ONECUT2: variants seen among roughly 807,000 people sequenced by gnomAD.
ONECUT2 encodes the protein one cut domain family member 2.
Under a neutral mutation model 27.9 loss-of-function variants are expected in ONECUT2, and 10 were observed. That is an observed-to-expected ratio of 0.36 (90% CI 0.22 to 0.61). The LOEUF is 0.61. Ranked by LOEUF, ONECUT2 falls within the 20% of genes least tolerant of loss-of-function variation. ONECUT2 has a pLI of 0.73. For synonymous variants in ONECUT2, 334 were observed against 315.1 expected, an observed-to-expected ratio of 1.06 and a Z score of -0.64; for missense variants, 686 against 721.0, an observed-to-expected ratio of 0.95 and a Z score of 0.56.
intron 1 of ONECUT2, among the ~76,000 whole-genome samples, chr18:57,463,164 A>G (rs2050302538): frequency 1.3e-5 from 2 of 152,220 alleles, no homozygotes; most frequent in South Asian, 4.1e-4. Context: ...ATGCCTATCC[A>G]GTTATTCCAA....
intron 1 of ONECUT2, among the ~76,000 whole-genome samples, chr18:57,440,157 C>T (rs1431183594): frequency 6.6e-6 from 1 of 152,252 alleles, no homozygotes; most frequent in African/African-American, 2.4e-5. Context: ...GTTGCAACCC[C>T]GCCCGGTCGG....
rs1212825376 is a variant in ONECUT2 at position 57,483,637 on chromosome 18, G to C, written c.*6914G>C. The C allele has an allele frequency of 6.6e-6, 1 of 152,602 alleles. No homozygotes were observed. Among genetic ancestry groups the C allele is most frequent in the East Asian group, 1.9e-4 (1 of 5,196 alleles). 9.5% of individuals were successfully genotyped at this position (152,602 alleles called of 1,614,324 possible). ...GCAAAATTCTACTTGGAATACTCTT[G>C]AAGTTTAGTTTGCTTTATAAAGCAG... is the stretch of plus-strand genomic sequence containing the variant. On this transcript the variant is annotated 3_prime_UTR_variant, in exon 2 of 2. Transcript: ENST00000491143.
At position 57,481,812 on chromosome 18, in the gene ONECUT2, T is replaced by C. The variant is rs975029369; in HGVS notation, c.*5089T>C. The C allele has an allele frequency of 6.6e-6, 1 of 152,208 alleles. No individual in the cohort carries two copies. Among genetic ancestry groups the C allele is most frequent in the Non-Finnish European group, 1.5e-5 (1 of 68,050 alleles). 9.4% of individuals were successfully genotyped at this position (152,208 alleles called of 1,614,324 possible). A position where few individuals can be genotyped will look rare whatever the true frequency, so the allele number is the denominator to read the frequency against. On this transcript the variant is annotated 3_prime_UTR_variant, in exon 2 of 2. Coordinates refer to ENST00000491143, the MANE Select transcript of ONECUT2 (RefSeq NM_004852.3). The stretch of plus-strand genomic sequence containing the variant: ...AAAAAGTGGAGAAAAAGATAATACA[T>C]GTGGTCAAGGTTGACCACAAGGCCC...
rs1487795332 is a variant in ONECUT2, at chr18:57,435,946, C to T, written c.230C>T (p.Ser77Leu). The T allele has an allele frequency of 7.3e-6, 9 of 1,227,148 alleles. No homozygotes were observed. Among genetic ancestry groups the T allele is most frequent in the African/African-American group, 1.6e-5 (1 of 63,336 alleles). 76.0% of individuals were successfully genotyped at this position (1,227,148 alleles called of 1,614,324 possible). Residue 77 changes from serine (S) to leucine (L), a missense_variant, in exon 1 of 2, where the codon TCG becomes TTG. This residue lies in a region of ONECUT2 where 511 missense variants were observed against 488.1 expected (regional missense o/e 1.05). Coordinates refer to ENST00000491143, the MANE Select transcript of ONECUT2 (RefSeq NM_004852.3). ...CACGCGGGCCGCGGCGCCGCTGGCT[C>T]GCTGCGGGGCCCTCCGCCGCCTCCA... is the stretch of plus-strand genomic sequence containing the variant. ...PHHAGRGAAG[S>L]LRGPPPPPTA...
intron 1 of ONECUT2, chr18:57,467,202 G>T: frequency 4.4e-6 from 2 of 456,478 alleles, no homozygotes; most frequent in Non-Finnish European, 8.8e-6. Flanking sequence ...GTCGCTGTGC[G>T]GTCTGCCTCC....
intron 1 of ONECUT2, among the ~76,000 whole-genome samples, chr18:57,473,680 A>C (rs12604589): frequency 0.07 from 10,709 of 152,232 alleles, 834 homozygotes; most frequent in East Asian, 0.36. Flanking sequence ...GCAGAATCCC[A>C]GGCCCTGTCC....
At position 57,475,307 on chromosome 18, in the gene ONECUT2, T is replaced by G. The variant is rs141683232; in HGVS notation, c.1229-1130T>G. ...TCCTGACCTCATGATACACCTGCCT[T>G]GGCCTCCCAAAGTGCTGGGATTACA... is the stretch of plus-strand genomic sequence containing the variant. On this transcript the variant is annotated intron_variant, in intron 1 of 1. Transcript: ENST00000491143. Among the ~76,000 whole-genome samples, 376 of 152,182 alleles carry G rather than the reference T, an allele frequency of 2.5e-3. 12 individuals are homozygous for G. In the East Asian group the frequency reaches 0.071, roughly 29 times the overall value.
In ONECUT2 at chr18:57,482,745, C is replaced by T. The variant is rs2050421782; in HGVS notation, c.*6022C>T. 1 of 152,170 alleles carries T rather than the reference C, an allele frequency of 6.6e-6. No individual in the cohort carries two copies. The highest frequency in any genetic ancestry group is 2.1e-4 in the South Asian group (1 of 4,830). The allele number at this position is 152,170 out of a possible 1,614,324, so 9.4% of individuals were successfully genotyped here. Reference sequence around the variant, plus strand: ...AACAACACACATTACCTATAGGTGTCTAGACTGTGTACATACAAGTGTGTA... The same window carrying T: ...AACAACACACATTACCTATAGGTGTTTAGACTGTGTACATACAAGTGTGTA... On this transcript the variant is annotated 3_prime_UTR_variant, in exon 2 of 2. Coordinates refer to ENST00000491143, the MANE Select transcript of ONECUT2 (RefSeq NM_004852.3).
intron 1 of ONECUT2, among the ~76,000 whole-genome samples, chr18:57,473,261 TCTG>T (rs937301374): frequency 6.6e-6 from 1 of 152,214 alleles, no homozygotes; most frequent in African/African-American, 2.4e-5. Flanking sequence ...TTTCCCTGGG[TCTG>T]CAGCAAACCT....
At chr18:57,466,778 A>G (rs1190336493) in intron 1 of ONECUT2, among the ~76,000 whole-genome samples, 1 of 152,258 alleles carries the variant, frequency 6.6e-6, no homozygotes, top group Non-Finnish European at 1.5e-5. Context: ...AGGTTAGACC[A>G]AGTGCTCTCT....
At chr18:57,465,756 T>C (rs2050317878) in intron 1 of ONECUT2, among the ~76,000 whole-genome samples, 2 of 152,238 alleles carry the variant, frequency 1.3e-5, no homozygotes, top group South Asian at 4.1e-4. Flanking sequence ...CCATGGTCAA[T>C]AGAAAGGGTG....
In ONECUT2 at chr18:57,482,383, C is replaced by T. The variant is rs1272947975; in HGVS notation, c.*5660C>T. On this transcript the variant is annotated 3_prime_UTR_variant, in exon 2 of 2. Coordinates refer to ENST00000491143, the MANE Select transcript of ONECUT2 (RefSeq NM_004852.3). ...GAGGCTGATGGGCTGTTGTGTGAAT[C>T]ACACAGGACCTTAAATGAGGCTCAT... 1 of 152,200 alleles carries T rather than the reference C, an allele frequency of 6.6e-6. No individual in the cohort carries two copies. The highest frequency in any genetic ancestry group is 2.4e-5 in the African/African-American group (1 of 41,444). 9.4% of individuals were successfully genotyped at this position (152,200 alleles called of 1,614,324 possible). A position where few individuals can be genotyped will look rare whatever the true frequency, so the allele number is the denominator to read the frequency against.
intron 1 of ONECUT2, chr18:57,467,195 G>A (rs193185145): frequency 2.0e-5 from 9 of 456,582 alleles, no homozygotes; most frequent in African/African-American, 8.0e-5. Flanking sequence ...CAGAATGGTC[G>A]CTGTGCGGTC....
rs371564599 is a variant in ONECUT2, at chr18:57,480,413, C to T, written c.*3690C>T. 7.2e-5 allele frequency: 11 copies of T among 152,208 alleles called. No individual in the cohort carries two copies. In the East Asian group the frequency reaches 1.2e-3, roughly 16 times the overall value. 9.4% of individuals were successfully genotyped at this position (152,208 alleles called of 1,614,324 possible). ...TCCAGACTGGATTGAGGAATGGAGCCTGTTTGATTTGGTTAGTGATTCTTT... is the reference window on the plus strand; with the variant it reads ...TCCAGACTGGATTGAGGAATGGAGCTTGTTTGATTTGGTTAGTGATTCTTT... On this transcript the variant is annotated 3_prime_UTR_variant, in exon 2 of 2. Coordinates refer to ENST00000491143, the MANE Select transcript of ONECUT2 (RefSeq NM_004852.3).
chr18:57,444,217 T>G (rs1437117908), intron 1 of ONECUT2, among the ~76,000 whole-genome samples: 1 of 152,220 alleles, frequency 6.6e-6, no homozygotes, highest in Non-Finnish European at 1.5e-5. Flanking sequence ...CAATTGTAGA[T>G]ATTTCATTTA....
At chr18:57,442,753 C>T (rs1192689223) in intron 1 of ONECUT2, among the ~76,000 whole-genome samples, 2 of 152,164 alleles carry the variant, frequency 1.3e-5, no homozygotes, top group Non-Finnish European at 2.9e-5. Flanking sequence ...GGGCAGGATT[C>T]CTGGTGAATG....
At chr18:57,470,998 A>G (rs1057302823) in intron 1 of ONECUT2, among the ~76,000 whole-genome samples, 5 of 152,132 alleles carry the variant, frequency 3.3e-5, no homozygotes, top group African/African-American at 9.7e-5. Context: ...CGGGGAAGCT[A>G]CTCTGTTACT....
chr18:57,471,585 G>A (rs2050354133), intron 1 of ONECUT2, among the ~76,000 whole-genome samples: 1 of 152,066 alleles, frequency 6.6e-6, no homozygotes, highest in African/African-American at 2.4e-5. Context: ...TTTTACCCTG[G>A]GAACCCAGTG....
At chr18:57,460,244 G>C (rs2050283058) in intron 1 of ONECUT2, among the ~76,000 whole-genome samples, 1 of 151,944 alleles carries the variant, frequency 6.6e-6, no homozygotes, top group Non-Finnish European at 1.5e-5. Flanking sequence ...TTAAACATTT[G>C]AATCTTTATT....
Sources: allele counts gnomAD v4.1 joint callset (sites outside exome capture counted in the v4.1 genomes callset), GRCh38; gene constraint gnomAD v4.1.1; regional missense constraint gnomAD v4.1.1; transcripts MANE v1.5; gene names NCBI Gene and HGNC (gene_info 2026-07-23, HGNC 2026-07-21).